The following DLGAP1 variants were observed in gnomAD, a reference collection of about 807,000 sequenced individuals.
DLGAP1 encodes the protein disks large-associated protein 1.
Under a neutral mutation model 90.8 loss-of-function variants are expected in DLGAP1, and 11 were observed. The ratio of observed to expected loss-of-function variants is 0.12; its 90% CI spans 0.08 to 0.20. The LOEUF is 0.20. DLGAP1 is among the 10% of genes least tolerant of loss of function. DLGAP1 has a pLI of 1.00. For missense variants in DLGAP1, 1,050 were observed against 1,333.8 expected (o/e 0.79, Z 3.31); for synonymous variants, 558 against 540.7 (o/e 1.03, Z -0.44).
At chr18:3,830,409 C>G (rs1231449599) in intron 4 of DLGAP1, among the ~76,000 whole-genome samples, 1 of 152,036 alleles carries the variant, frequency 6.6e-6, no homozygotes. Flanking sequence ...ATTAAAGATA[C>G]AAAAAATTAG....
intron 3 of DLGAP1, among the ~76,000 whole-genome samples, chr18:3,956,416 C>CG (rs2073085356): frequency 6.6e-6 from 1 of 151,838 alleles, no homozygotes; most frequent in Non-Finnish European, 1.5e-5. Flanking sequence ...GTGGCGTGAT[C>CG]TGGCTCACTG....
intron 11 of DLGAP1, among the ~76,000 whole-genome samples, chr18:3,507,608 C>A (rs1281366547): frequency 6.6e-6 from 1 of 152,066 alleles, no homozygotes; most frequent in East Asian, 1.9e-4. Context: ...CCTCTAAGAT[C>A]ATATTTTAAG....
At chr18:4,154,073 G>C (rs1260088138) in intron 1 of DLGAP1, among the ~76,000 whole-genome samples, 5 of 151,970 alleles carry the variant, frequency 3.3e-5, no homozygotes, top group Admixed American at 3.3e-4. Context: ...GTATCCGTAA[G>C]AGATAAAGAG....
chr18:3,602,112 G>A (rs2057072011), intron 7 of DLGAP1, among the ~76,000 whole-genome samples: 1 of 152,150 alleles, frequency 6.6e-6, no homozygotes, highest in African/African-American at 2.4e-5. Context: ...GCCGGGTGCC[G>A]CGCAGCTTTG....
In DLGAP1 at chr18:3,882,248, C is replaced by T. The variant is rs77095797; in HGVS notation, c.-72-2108G>A. ...TTTAAGGTTTCTGGTTGAGTATTTA[C>T]GCACAAGACCAGGCGTGGTGGCTGA... On this transcript the variant is annotated intron_variant, in intron 3 of 12. Coordinates refer to ENST00000315677, the MANE Select transcript of DLGAP1 (RefSeq NM_004746.4). 6.4e-3 allele frequency among the ~76,000 whole-genome samples: 971 copies of T among 151,936 alleles called. 5 individuals carry two copies. The highest frequency in any genetic ancestry group is 0.01 in the Non-Finnish European group (698 of 67,964).
intron 1 of DLGAP1, among the ~76,000 whole-genome samples, chr18:4,289,311 G>A (rs982443761): frequency 6.6e-6 from 1 of 152,204 alleles, no homozygotes; most frequent in African/African-American, 2.4e-5. Flanking sequence ...CAGTAACCAG[G>A]AAGATGCATG....
At chr18:4,333,738 G>T (rs1568519909) in intron 1 of DLGAP1, among the ~76,000 whole-genome samples, 1 of 150,136 alleles carries the variant, frequency 6.7e-6, no homozygotes, top group African/African-American at 2.5e-5. Context: ...TCCTGCCTCA[G>T]CCTCCCCAGT....
chr18:4,406,480 C>A (rs140063819), intron 1 of DLGAP1, among the ~76,000 whole-genome samples: 82 of 152,228 alleles, frequency 5.4e-4, no homozygotes, highest in East Asian at 3.1e-3. Context: ...ATATTTTAAT[C>A]GGTGAAACAA....
chr18:4,021,830 C>T (rs1232342272), intron 2 of DLGAP1, among the ~76,000 whole-genome samples: 1 of 152,096 alleles, frequency 6.6e-6, no homozygotes, highest in Non-Finnish European at 1.5e-5. Context: ...AACTCCTGAC[C>T]TAAGGTGATC....
At chr18:4,011,098 C>T (rs1310084811) in intron 2 of DLGAP1, among the ~76,000 whole-genome samples, 2 of 149,674 alleles carry the variant, frequency 1.3e-5, no homozygotes, top group Non-Finnish European at 3.0e-5. Context: ...ACCACTTGAA[C>T]CCAGGAGATG....
Position 3,499,494 on chromosome 18 carries a change from AGG to A in DLGAP1, c.2725-102_2725-101del, listed in dbSNP as rs2049816317. ...AGTTAGAACACACAGTTTTTTACCTAGGGGTGGTTAGTTCTGATCTGCACACT... is the reference window on the plus strand; with the variant it reads ...AGTTAGAACACACAGTTTTTTACCTAGGTGGTTAGTTCTGATCTGCACACT... On this transcript the variant is annotated intron_variant, in intron 12 of 12. Transcript: ENST00000315677. The surrounding 1 kb of genome is among the most constrained non-coding windows in gnomAD (Gnocchi z 6.4). 1 of 1,276,722 alleles carries A rather than the reference AGG, an allele frequency of 7.8e-7. No homozygotes were observed. The highest frequency in any genetic ancestry group is 1.1e-6 in the Non-Finnish European group (1 of 922,334). 79.1% of individuals were successfully genotyped at this position (1,276,722 alleles called of 1,614,324 possible).
chr18:4,018,241 A>G (rs1445530649), intron 2 of DLGAP1, among the ~76,000 whole-genome samples: 1 of 152,186 alleles, frequency 6.6e-6, no homozygotes, highest in Non-Finnish European at 1.5e-5. Flanking sequence ...ACAGCAGTGA[A>G]GGAAGAAGGA....
rs1445158050 is a variant in DLGAP1 at position 4,383,063 on chromosome 18, T to C, written c.-267+71943A>G. Among the ~76,000 whole-genome samples, 1 of 152,100 alleles carries C rather than the reference T, an allele frequency of 6.6e-6. No homozygotes were observed. The highest frequency in any genetic ancestry group is 2.4e-5 in the African/African-American group (1 of 41,422). On this transcript the variant is annotated intron_variant, in intron 1 of 12. Coordinates refer to ENST00000315677, the MANE Select transcript of DLGAP1 (RefSeq NM_004746.4). This position sits in a 1 kb window ranked among gnomAD's most constrained non-coding sequence, Gnocchi z 4.0. ...ATTACATTATCTTGCCTAATAGAGG[T>C]CAAATGACTGATCTGCCTGCTAACA...
intron 3 of DLGAP1, among the ~76,000 whole-genome samples, chr18:3,912,073 T>C (rs2148897209): frequency 6.6e-6 from 1 of 152,350 alleles, no homozygotes; most frequent in East Asian, 1.9e-4. Context: ...ATGTATGGTA[T>C]TTAATGCCCC....
intron 2 of DLGAP1, among the ~76,000 whole-genome samples, chr18:4,011,719 G>A (rs924173887): frequency 1.3e-5 from 2 of 152,080 alleles, no homozygotes; most frequent in African/African-American, 4.8e-5. Flanking sequence ...AGCTACTTGG[G>A]AGGCTGAGGT....
intron 4 of DLGAP1, among the ~76,000 whole-genome samples, chr18:3,817,831 A>G (rs1052961486): frequency 6.6e-6 from 1 of 152,216 alleles, no homozygotes; most frequent in Non-Finnish European, 1.5e-5. Flanking sequence ...TCAGCTGCAC[A>G]GAGAGAAAAG....
intron 2 of DLGAP1, among the ~76,000 whole-genome samples, chr18:4,051,641 C>T (rs1286203401): frequency 6.6e-6 from 1 of 152,062 alleles, no homozygotes; most frequent in Non-Finnish European, 1.5e-5. Flanking sequence ...TGCCGCTGGC[C>T]CCTCCCAAAT....
chr18:4,215,376 A>G (rs1367873508), intron 1 of DLGAP1, among the ~76,000 whole-genome samples: 2 of 152,132 alleles, frequency 1.3e-5, no homozygotes, highest in South Asian at 2.1e-4. Context: ...GCCTTACACA[A>G]ATTCCAAGAT....
At chr18:4,440,145 TAGAG>T (rs776336076) in intron 1 of DLGAP1, among the ~76,000 whole-genome samples, 293 of 83,630 alleles carry the variant, frequency 3.5e-3, no homozygotes, top group Middle Eastern at 0.014. Context: ...AAAAAAAAAA[TAGAG>T]AGAGAGAAAA....
Sources: allele counts gnomAD v4.1 joint callset (sites outside exome capture counted in the v4.1 genomes callset), GRCh38; gene constraint gnomAD v4.1.1; non-coding constraint Gnocchi (gnomAD v3.1); transcripts MANE v1.5; gene names NCBI Gene and HGNC (gene_info 2026-07-23, HGNC 2026-07-21).